RRP15: variants seen among roughly 807,000 people sequenced by gnomAD.
RRP15 encodes the protein ribosomal RNA processing 15 homolog.
RRP15 carries 18 observed loss-of-function variants against 27.1 expected under a neutral mutation model. The ratio of observed to expected loss-of-function variants is 0.66; its 90% CI spans 0.46 to 0.98. The LOEUF (loss-of-function observed/expected upper bound fraction) is 0.98, where lower values mean the gene tolerates loss of function less well. Ranked by LOEUF, RRP15 falls within the 50% of genes least tolerant of loss-of-function variation. The pLI, the probability that RRP15 is intolerant of heterozygous loss-of-function variation, is 0.00. For missense variants in RRP15, 359 were observed against 337.8 expected (o/e 1.06, Z -0.49); for synonymous variants, 107 against 109.4 (o/e 0.98, Z 0.14).
intron 1 of RRP15, among the ~76,000 whole-genome samples, chr1:218,300,409 G>A (rs188763996): frequency 9.8e-4 from 149 of 152,040 alleles, no homozygotes; most frequent in African/African-American, 3.5e-3. Flanking sequence ...TACTTGAAAC[G>A]TATTAATGTT....
At chr1:218,289,947 G>T (rs984229038) in intron 1 of RRP15, among the ~76,000 whole-genome samples, 1 of 152,202 alleles carries the variant, frequency 6.6e-6, no homozygotes, top group African/African-American at 2.4e-5. Context: ...CTCCCAAAGT[G>T]CTGGGATTAC....
At position 218,309,682 on chromosome 1, in the gene RRP15, C is replaced by CAAA. The variant is rs751452477; in HGVS notation, c.705+2074_705+2076dup. Among the ~76,000 whole-genome samples the CAAA allele has an allele frequency of 1.5e-3, 33 of 22,508 alleles. 4 individuals carry two copies. The highest frequency in any genetic ancestry group is 2.8e-3 in the African/African-American group (26 of 9,146). 14.8% of individuals were successfully genotyped at this position (22,508 alleles called of 152,430 possible). A position where few individuals can be genotyped will look rare whatever the true frequency, so the allele number is the denominator to read the frequency against. On this transcript the variant is annotated intron_variant, in intron 4 of 4. Transcript: ENST00000366932. The stretch of plus-strand genomic sequence containing the variant: ...TGGGTGACAGAGAGAGACTCCATCT[C>CAAA]AAAAAAAAAAAAAAAAAAAAAAAAA...
chr1:218,317,805 A>G (rs1656114194), intron 4 of RRP15, among the ~76,000 whole-genome samples: 1 of 147,778 alleles, frequency 6.8e-6, no homozygotes. Flanking sequence ...GTGTGATCAC[A>G]GCTCACTGCA....
chr1:218,294,245 C>T (rs2102493191), intron 1 of RRP15, among the ~76,000 whole-genome samples: 1 of 152,252 alleles, frequency 6.6e-6, no homozygotes, highest in South Asian at 2.1e-4. Flanking sequence ...GTAATCAATT[C>T]TGCAGTGGAT....
chr1:218,314,942 A>C (rs925131621), intron 4 of RRP15, among the ~76,000 whole-genome samples: 6 of 148,802 alleles, frequency 4.0e-5, no homozygotes, highest in African/African-American at 1.5e-4. Flanking sequence ...CAGTGTGCTG[A>C]GATTGCGCCA....
intron 2 of RRP15, 162 bp downstream of exon 2, chr1:218,302,721 A>G: frequency 1.8e-6 from 2 of 1,110,028 alleles, no homozygotes; most frequent in Non-Finnish European, 2.5e-6. Flanking sequence ...AATTTAGTCT[A>G]AATTATTCCA....
Position 218,333,390 on chromosome 1 carries a change from G to A in RRP15, c.*2299G>A, listed in dbSNP as rs1571813026. ...GTATCTTAAGTGAATGTTTTGAGTA[G>A]TTCTGTCACCCCTATTCTAAATATT... On this transcript the variant is annotated 3_prime_UTR_variant, in exon 5 of 5. Transcript: ENST00000366932. The A allele has an allele frequency of 7.1e-6, 1 of 141,636 alleles. No individual in the cohort carries two copies. Among genetic ancestry groups the A allele is most frequent in the Middle Eastern group, 3.7e-3 (1 of 272 alleles). 8.8% of individuals were successfully genotyped at this position (141,636 alleles called of 1,614,324 possible).
At chr1:218,285,846 G>A (rs1655537237) in intron 1 of RRP15, among the ~76,000 whole-genome samples, 2 of 152,002 alleles carry the variant, frequency 1.3e-5, no homozygotes, top group Non-Finnish European at 1.5e-5. Context: ...GGAAGAAGGG[G>A]GTGTACTTGA....
chr1:218,313,079 C>T (rs916021226), intron 4 of RRP15, among the ~76,000 whole-genome samples: 1 of 152,100 alleles, frequency 6.6e-6, no homozygotes. Context: ...TTTATTTCAG[C>T]TTTTATTTTA....
chr1:218,305,169 C>T (rs375262088), intron 3 of RRP15, 44 bp downstream of exon 3: 2 of 1,423,914 alleles, frequency 1.4e-6, no homozygotes, highest in Non-Finnish European at 2.0e-6. Context: ...TATACTAAAG[C>T]TATCATAGTG....
chr1:218,285,311 A>G lies in RRP15; in HGVS notation c.-6A>G, dbSNP rs1416919603. The G allele has an allele frequency of 1.2e-6, 2 of 1,613,108 alleles. No individual in the cohort carries two copies. Among genetic ancestry groups the G allele is most frequent in the African/African-American group, 2.7e-5 (2 of 74,744 alleles). On this transcript the variant is annotated 5_prime_UTR_variant, in exon 1 of 5. Transcript: ENST00000366932. Reference sequence around the variant, plus strand: ...AACTGTCAGGTGACGCTTCCGGCGCAGAAAAATGGCAGCCGCCGCTCCGGA... The same window carrying G: ...AACTGTCAGGTGACGCTTCCGGCGCGGAAAAATGGCAGCCGCCGCTCCGGA...
intron 4 of RRP15, among the ~76,000 whole-genome samples, chr1:218,328,674 A>C (rs1656316161): frequency 1.3e-5 from 2 of 152,098 alleles, no homozygotes; most frequent in Non-Finnish European, 2.9e-5. Context: ...AAAAAAAAAA[A>C]AATTTTTTTT....
intron 4 of RRP15, among the ~76,000 whole-genome samples, chr1:218,322,401 CAG>C (rs994592493): frequency 6.6e-6 from 1 of 151,984 alleles, no homozygotes; most frequent in African/African-American, 2.4e-5. Flanking sequence ...GGAAGTAAAA[CAG>C]AATCATCATT....
At chr1:218,291,077 T>C (rs1010415730) in intron 1 of RRP15, among the ~76,000 whole-genome samples, 4 of 152,004 alleles carry the variant, frequency 2.6e-5, no homozygotes, top group African/African-American at 9.7e-5. Context: ...AGTTCGAGAC[T>C]GCAGTGAGCT....
At chr1:218,304,512 A>G (rs1442045864) in intron 2 of RRP15, among the ~76,000 whole-genome samples, 1 of 152,184 alleles carries the variant, frequency 6.6e-6, no homozygotes, top group African/African-American at 2.4e-5. Flanking sequence ...ACGAGAGGAG[A>G]AATGGATTTA....
At chr1:218,302,008 A>G in intron 1 of RRP15, 1 of 333,410 alleles carries the variant, frequency 3.0e-6, no homozygotes, top group African/African-American at 2.1e-5. Flanking sequence ...TTTTGACAAT[A>G]AGGACGTGGC....
intron 4 of RRP15, among the ~76,000 whole-genome samples, chr1:218,327,938 A>G (rs759638460): frequency 1.9e-4 from 29 of 152,246 alleles, no homozygotes; most frequent in Non-Finnish European, 4.0e-4. Flanking sequence ...CAAATAAATA[A>G]TTATCTTTAA....
At chr1:218,295,415 G>C (rs1380773835) in intron 1 of RRP15, among the ~76,000 whole-genome samples, 2 of 152,130 alleles carry the variant, frequency 1.3e-5, no homozygotes, top group African/African-American at 4.8e-5. Context: ...CATAGAATGT[G>C]CCCATATGAC....
chr1:218,331,797 C>G lies in RRP15; in HGVS notation c.*706C>G, dbSNP rs1399454258. ...ACGCCATTCTCCCACCTCAACCTCT[C>G]AAGTAGCTGGGACTACAGGTGCCTG... On this transcript the variant is annotated 3_prime_UTR_variant, in exon 5 of 5. Coordinates refer to ENST00000366932, the MANE Select transcript of RRP15 (RefSeq NM_016052.4). The G allele has an allele frequency of 6.7e-6, 1 of 149,934 alleles. No individual in the cohort carries two copies. The allele number at this position is 149,934 out of a possible 1,614,324, so 9.3% of individuals were successfully genotyped here. A position where few individuals can be genotyped will look rare whatever the true frequency, so the allele number is the denominator to read the frequency against.
Sources: allele counts gnomAD v4.1 joint callset (sites outside exome capture counted in the v4.1 genomes callset), GRCh38; gene constraint gnomAD v4.1.1; transcripts MANE v1.5; gene names NCBI Gene and HGNC (gene_info 2026-07-23, HGNC 2026-07-21).